The following PCDH15 variants were observed in gnomAD, a reference collection of about 807,000 sequenced individuals.
PCDH15 encodes protocadherin-15.
Under a neutral mutation model 178.5 loss-of-function variants are expected in PCDH15, and 129 were observed. The observed-to-expected ratio is 0.72, with a 90% CI of 0.63 to 0.84. The LOEUF (loss-of-function observed/expected upper bound fraction) is 0.84, where lower values mean the gene tolerates loss of function less well. Ranked by LOEUF, PCDH15 falls within the 40% of genes least tolerant of loss-of-function variation. The pLI, the probability that PCDH15 is intolerant of heterozygous loss-of-function variation, is 0.00. For missense variants in PCDH15, 2,230 were observed against 2,099.9 expected, an observed-to-expected ratio of 1.06 and a Z score of -1.21; for synonymous variants, 800 against 732.0, an observed-to-expected ratio of 1.09 and a Z score of -1.50.
At chr10:55,016,735 T>C (rs145832928) in intron 2 of PCDH15, among the ~76,000 whole-genome samples, 13 of 152,296 alleles carry the variant, frequency 8.5e-5, no homozygotes, top group African/African-American at 2.9e-4. Context: ...CTCAATATAC[T>C]GATTTCCTTT....
At chr10:54,858,694 A>G (rs1346395611) in intron 3 of PCDH15, among the ~76,000 whole-genome samples, 1 of 151,992 alleles carries the variant, frequency 6.6e-6, no homozygotes, top group Non-Finnish European at 1.5e-5. Context: ...ATCTATATTT[A>G]AGTAATAATA....
At chr10:54,111,985 A>AC (rs1409235387) in intron 15 of PCDH15, among the ~76,000 whole-genome samples, 5 of 74,744 alleles carry the variant, frequency 6.7e-5, no homozygotes, top group East Asian at 8.3e-3. Context: ...AAAAAAAAAA[A>AC]AACAAAACTT....
intron 3 of PCDH15, among the ~76,000 whole-genome samples, chr10:54,483,589 G>A (rs1427958593): frequency 6.6e-6 from 1 of 151,688 alleles, no homozygotes; most frequent in Non-Finnish European, 1.5e-5. Flanking sequence ...AGAAAATTGT[G>A]ATGTCTTTAC....
chr10:53,894,175 T>C (rs1177961876), intron 26 of PCDH15, among the ~76,000 whole-genome samples: 2 of 152,140 alleles, frequency 1.3e-5, no homozygotes, highest in Non-Finnish European at 2.9e-5. Flanking sequence ...TAAATTCTAG[T>C]AGGAAAATCA....
intron 3 of PCDH15, among the ~76,000 whole-genome samples, chr10:54,394,398 C>T (rs539714223): frequency 5.6e-4 from 85 of 152,104 alleles, no homozygotes; most frequent in African/African-American, 2.0e-3. Flanking sequence ...TAAACCTGGG[C>T]GTCCAGGGGA....
At chr10:54,533,236 T>C (rs923750649) in intron 2 of PCDH15, among the ~76,000 whole-genome samples, 3 of 152,228 alleles carry the variant, frequency 2.0e-5, no homozygotes, top group East Asian at 1.9e-4. Context: ...TTTCATTTTA[T>C]GTCATTTCAT....
At chr10:54,181,911 G>C (rs917998163) in intron 13 of PCDH15, among the ~76,000 whole-genome samples, 1 of 151,928 alleles carries the variant, frequency 6.6e-6, no homozygotes, top group South Asian at 2.1e-4. Context: ...AAAAATAATA[G>C]CATTGAATGA....
chr10:54,825,442 T>C (rs1443520477), intron 3 of PCDH15, among the ~76,000 whole-genome samples: 9 of 148,240 alleles, frequency 6.1e-5, no homozygotes, highest in African/African-American at 2.3e-4. Context: ...CCCTGAGGAA[T>C]CGCCACGCTG....
At chr10:54,273,796 G>GCCACAC (rs1366324389) in intron 8 of PCDH15, among the ~76,000 whole-genome samples, 2 of 152,048 alleles carry the variant, frequency 1.3e-5, no homozygotes, top group Non-Finnish European at 2.9e-5. Context: ...GAGGATAACA[G>GCCACAC]CCACACTCCT....
At chr10:53,828,251 A>C (rs1020126024) in intron 31 of PCDH15, among the ~76,000 whole-genome samples, 1 of 148,094 alleles carries the variant, frequency 6.8e-6, no homozygotes, top group Non-Finnish European at 1.5e-5. Flanking sequence ...ATTCCTAGGA[A>C]TGCCTGTGAT....
At chr10:55,328,911 A>AACATATATAT (rs1844109262) in intron 2 of PCDH15, among the ~76,000 whole-genome samples, 2 of 53,176 alleles carry the variant, frequency 3.8e-5, no homozygotes, top group African/African-American at 8.4e-5. Flanking sequence ...TTTTCACACA[A>AACATATATAT]ACATATATAT....
chr10:54,402,472 GCTTT>G (rs946838900), intron 3 of PCDH15, among the ~76,000 whole-genome samples: 3 of 151,786 alleles, frequency 2.0e-5, no homozygotes, highest in Admixed American at 6.6e-5. Context: ...ACCTTTTATT[GCTTT>G]CTTTATTAGT....
At chr10:55,000,644 T>C (rs142620767) in intron 2 of PCDH15, among the ~76,000 whole-genome samples, 2,781 of 152,286 alleles carry the variant, frequency 0.018, 86 homozygotes, top group African/African-American at 0.062. Flanking sequence ...TAAGTGTCCA[T>C]GAAATCTTCA....
chr10:55,528,628 G>A (rs187513196), intron 2 of PCDH15, among the ~76,000 whole-genome samples: 1 of 152,056 alleles, frequency 6.6e-6, no homozygotes, highest in Non-Finnish European at 1.5e-5. Flanking sequence ...GTCTTTCATT[G>A]TTGGACATTT....
At chr10:54,207,664 C>A (rs1393459377) in intron 10 of PCDH15, among the ~76,000 whole-genome samples, 3 of 151,920 alleles carry the variant, frequency 2.0e-5, no homozygotes, top group Non-Finnish European at 4.4e-5. Context: ...AGGTGGTGTA[C>A]AACGTCACAC....
At position 53,945,837 on chromosome 10, in the gene PCDH15, G is replaced by GTATA. The variant is rs56389905; in HGVS notation, c.3123-4866_3123-4863dup. 8.8e-3 allele frequency among the ~76,000 whole-genome samples: 1,044 copies of GTATA among 118,904 alleles called. 15 individuals carry two copies. Among genetic ancestry groups the GTATA allele is most frequent in the Non-Finnish European group, 0.013 (768 of 56,988 alleles). 78.0% of individuals were successfully genotyped at this position (118,904 alleles called of 152,430 possible). A position where few individuals can be genotyped will look rare whatever the true frequency, so the allele number is the denominator to read the frequency against. Reference sequence around the variant, plus strand: ...TTTTAAGGCTGAGTAATATTTCATTGTATATATATATATATATATATATAT... The same window carrying GTATA: ...TTTTAAGGCTGAGTAATATTTCATTGTATATATATATATATATATATATATATAT... On this transcript the variant is annotated intron_variant, in intron 23 of 37. Transcript: ENST00000644397.
intron 21 of PCDH15, among the ~76,000 whole-genome samples, chr10:53,984,693 A>G (rs904653018): frequency 3.9e-5 from 6 of 152,084 alleles, no homozygotes; most frequent in Admixed American, 3.9e-4. Context: ...TGGATCTTCA[A>G]GGCATATTTG....
At chr10:54,752,530 A>AAAAAAAAAAAAACAAAC (rs1946481268) in intron 1 of PCDH15, among the ~76,000 whole-genome samples, 1 of 43,886 alleles carries the variant, frequency 2.3e-5, no homozygotes, top group Non-Finnish European at 6.5e-5. Flanking sequence ...ACAAACAAAC[A>AAAAAAAAAAAAACAAAC]AAAAAAAACA....
rs191722282 is a variant in PCDH15, at chr10:54,512,809, A to G, written c.157+15003T>C. Among the ~76,000 whole-genome samples, 63 of 152,164 alleles carry G rather than the reference A, an allele frequency of 4.1e-4. 2 individuals are homozygous for G. The East Asian group carries it at 6.8e-3, about 16-fold the overall frequency. On this transcript the variant is annotated intron_variant, in intron 3 of 37. Coordinates refer to ENST00000644397, the MANE Select transcript of PCDH15 (RefSeq NM_001384140.1). ...AAAATATTATATTCTGTCTAATTATACTCTTTAAAAATGTCATTTCATGAT... is the reference window on the plus strand; with the variant it reads ...AAAATATTATATTCTGTCTAATTATGCTCTTTAAAAATGTCATTTCATGAT...
Sources: gnomAD v4.1 joint callset for allele counts (sites outside exome capture counted in the v4.1 genomes callset) on GRCh38, gnomAD v4.1.1 for gene constraint, MANE v1.5 for transcripts, NCBI Gene and HGNC (gene_info 2026-07-23, HGNC 2026-07-21) for gene names.